MCM8: variants seen among roughly 807,000 people sequenced by gnomAD.
MCM8 encodes DNA helicase MCM8.
A neutral mutation model predicts 98.9 loss-of-function variants in MCM8; 85 were observed. That is an observed-to-expected ratio of 0.86 (90% confidence interval 0.72 to 1.03). The LOEUF (loss-of-function observed/expected upper bound fraction) is 1.03, where lower values mean the gene tolerates loss of function less well. Ranked by LOEUF, MCM8 falls within the 50% of genes least tolerant of loss-of-function variation. The pLI is 0.00. For missense variants in MCM8, 951 were observed against 997.8 expected (o/e 0.95, Z 0.63); for synonymous variants, 352 against 338.6 (o/e 1.04, Z -0.44).
rs1337746943 is a variant in MCM8 at position 5,994,772 on chromosome 20, G to A, written c.*381G>A. ...AAAAAATTTAAACTTAGCTGGGTAT[G>A]GTGGCACATGCCTATAGTCTCAGCT... On this transcript the variant is annotated 3_prime_UTR_variant, in exon 19 of 19. Coordinates refer to ENST00000610722, the MANE Select transcript of MCM8 (RefSeq NM_032485.6). The A allele has an allele frequency of 2.2e-6, 1 of 449,392 alleles. No individual in the cohort carries two copies. Among genetic ancestry groups the A allele is most frequent in the South Asian group, 1.6e-5 (1 of 63,532 alleles). 27.8% of individuals were successfully genotyped at this position (449,392 alleles called of 1,614,324 possible).
chr20:5,952,367 G>A (rs906974423), intron 2 of MCM8, 57 bp from the exon 3 acceptor site: 4 of 1,585,856 alleles, frequency 2.5e-6, no homozygotes, highest in African/African-American at 1.4e-5. Flanking sequence ...GGAAAGAGAA[G>A]CATATTGGAA....
chr20:5,982,593 A>G (rs1388804434), intron 13 of MCM8, among the ~76,000 whole-genome samples: 1 of 152,198 alleles, frequency 6.6e-6, no homozygotes, highest in Non-Finnish European at 1.5e-5. Flanking sequence ...TAAACTTACT[A>G]TATGTGTATT....
At chr20:5,963,477 G>A (rs1868779472) in intron 8 of MCM8, 118 bp downstream of exon 8, 1 of 495,998 alleles carries the variant, frequency 2.0e-6, no homozygotes. Flanking sequence ...GTATAATAGT[G>A]TATAATAGAT....
chr20:5,959,716 T>G (rs1248834500), intron 7 of MCM8, among the ~76,000 whole-genome samples: 4 of 90,038 alleles, frequency 4.4e-5, no homozygotes, highest in East Asian at 3.9e-4. Context: ...TTTTTTTTTT[T>G]GAGACGGAGT....
intron 17 of MCM8, among the ~76,000 whole-genome samples, chr20:5,992,182 T>TA (rs1291433111): frequency 6.6e-6 from 1 of 152,192 alleles, no homozygotes; most frequent in African/African-American, 2.4e-5. Context: ...CATAGCTTTT[T>TA]AAAATCTGAA....
intron 13 of MCM8, among the ~76,000 whole-genome samples, chr20:5,978,743 A>AGACG (rs1228109060): frequency 2.0e-5 from 3 of 152,112 alleles, no homozygotes; most frequent in African/African-American, 4.8e-5. Context: ...TTTTTAGTAG[A>AGACG]GACGGGGTTT....
chr20:5,952,032 G>C lies in MCM8; in HGVS notation c.17G>C (p.Arg6Thr). MNGEY[R>T]GRGFGRGRFQ... ...TTAGGAGAGATGAATGGAGAGTATA[G>C]AGGCAGAGGATTTGGACGAGGAAGA... is the stretch of plus-strand genomic sequence containing the variant. Residue 6 changes from arginine to threonine, a missense_variant, in exon 2 of 19, where the codon AGA becomes ACA. Physicochemically the swap from Arg to Thr is moderately conservative, Grantham distance 71. Coordinates refer to ENST00000610722, the MANE Select transcript of MCM8 (RefSeq NM_032485.6). 6.2e-7 allele frequency: 1 copy of C among 1,613,838 alleles called. No homozygotes were observed. The highest frequency in any genetic ancestry group is 8.5e-7 in the Non-Finnish European group (1 of 1,179,806).
Position 5,951,000 on chromosome 20 carries a change from C to T in MCM8, c.-29C>T, listed in dbSNP as rs2088806988. On this transcript the variant is annotated 5_prime_UTR_variant, in exon 1 of 19. Transcript: ENST00000610722. ...CCGGCCCAGTTGTGAACTAGGAGAG[C>T]TTTGGGACCTCTGTCCCAAGCAAGT... The T allele has an allele frequency of 6.6e-6, 1 of 152,212 alleles. No homozygotes were observed. Among genetic ancestry groups the T allele is most frequent in the African/African-American group, 2.4e-5 (1 of 41,452 alleles). 9.4% of individuals were successfully genotyped at this position (152,212 alleles called of 1,614,324 possible).
chr20:5,981,709 GAAGA>G (rs1308803075), intron 13 of MCM8, among the ~76,000 whole-genome samples: 2 of 152,162 alleles, frequency 1.3e-5, no homozygotes, highest in African/African-American at 4.8e-5. Context: ...AATAACGTAG[GAAGA>G]AAGAAAGACA....
chr20:5,961,726 ACCT>A (rs1036209232), intron 7 of MCM8, among the ~76,000 whole-genome samples: 2 of 152,132 alleles, frequency 1.3e-5, no homozygotes, highest in African/African-American at 4.8e-5. Context: ...TGCAGCCTTG[ACCT>A]CCTTAAATCA....
At chr20:5,981,101 C>A (rs746620486) in intron 13 of MCM8, among the ~76,000 whole-genome samples, 15 of 152,138 alleles carry the variant, frequency 9.9e-5, no homozygotes, top group Non-Finnish European at 1.9e-4. Flanking sequence ...ATATATACTT[C>A]TGCACATTTG....
intron 12 of MCM8, among the ~76,000 whole-genome samples, chr20:5,974,468 C>G (rs763047799): frequency 3.9e-5 from 6 of 152,188 alleles, no homozygotes; most frequent in Non-Finnish European, 8.8e-5. Flanking sequence ...CTTCTTCACT[C>G]GATGTGGAAA....
At chr20:5,970,520 G>A (rs2089379673) in intron 10 of MCM8, among the ~76,000 whole-genome samples, 1 of 152,132 alleles carries the variant, frequency 6.6e-6, no homozygotes, top group Non-Finnish European at 1.5e-5. Flanking sequence ...ACTGCCCCCA[G>A]GAGTATTAAA....
chr20:5,982,829 A>G (rs2089655378), intron 13 of MCM8, 141 bp from the exon 14 acceptor site: 1 of 697,392 alleles, frequency 1.4e-6, no homozygotes, highest in Non-Finnish European at 2.3e-6. Context: ...ACAAACAGTA[A>G]TTCTCCATTG....
rs1212072679 is a variant in MCM8, at chr20:5,950,900, C to G, written c.-129C>G. 3 of 148,138 alleles carry G rather than the reference C, an allele frequency of 2.0e-5. No homozygotes were observed. In the East Asian group the frequency reaches 6.5e-4, roughly 32 times the overall value. The allele number at this position is 148,138 out of a possible 1,614,324, so 9.2% of individuals were successfully genotyped here. A position where few individuals can be genotyped will look rare whatever the true frequency, so the allele number is the denominator to read the frequency against. ...CTGAGGAGCTAAGATCCCGGAGACT[C>G]TTAGCCCCGTGGTGCTTCTCTACGG... On this transcript the variant is annotated 5_prime_UTR_variant, in exon 1 of 19. Coordinates refer to ENST00000610722, the MANE Select transcript of MCM8 (RefSeq NM_032485.6).
rs1466033695 is a variant in MCM8, at chr20:5,954,636, G to A, written c.282G>A (p.Glu94=). 7 of 1,610,322 alleles carry A rather than the reference G, an allele frequency of 4.3e-6. No homozygotes were observed. Among genetic ancestry groups the A allele is most frequent in the Non-Finnish European group, 5.9e-6 (7 of 1,177,080 alleles). The change falls in exon 4 of 19, where the codon GAG becomes GAA. Residue 94 remains glutamate, a synonymous_variant. Transcript: ENST00000610722. ...EVYSDSSPLI[E]KIQAFEKFFT... is the part of the protein sequence containing the mutation. ...ACAGCGATAGCTCTCCTTTGATTGA[G>A]AAGATTCAAGCATTTGAAAAATTTT...
chr20:5,956,847 G>A (rs2088996561), intron 5 of MCM8, among the ~76,000 whole-genome samples: 1 of 151,870 alleles, frequency 6.6e-6, no homozygotes, highest in Admixed American at 6.6e-5. Flanking sequence ...ATGGTTTTGG[G>A]GACTAATGTA....
In MCM8 at chr20:5,967,324, T is replaced by C. The variant is rs1383311847; in HGVS notation, c.876-112T>C. On this transcript the variant is annotated intron_variant, in intron 8 of 18. Transcript: ENST00000610722. The stretch of plus-strand genomic sequence containing the variant: ...TTTAGATATACCATTAAACTGTTAA[T>C]AAGCAAATCTGCTTTTATCTTCCTC... The C allele has an allele frequency of 3.5e-6, 3 of 857,700 alleles. No homozygotes were observed. In the East Asian group the frequency reaches 8.1e-5, roughly 23 times the overall value. The allele number at this position is 857,700 out of a possible 1,614,324, so 53.1% of individuals were successfully genotyped here. A position where few individuals can be genotyped will look rare whatever the true frequency, so the allele number is the denominator to read the frequency against.
chr20:5,954,594 A>T lies in MCM8; in HGVS notation c.254-14A>T. The stretch of plus-strand genomic sequence containing the variant: ...GTGTGATTATTTGTGCTAATGCCAT[A>T]TTTGTTGGATTAGTTTACAGCGATA... On this transcript the variant is annotated splice_polypyrimidine_tract_variant and intron_variant, in intron 3 of 18. Coordinates refer to ENST00000610722, the MANE Select transcript of MCM8 (RefSeq NM_032485.6). The T allele has an allele frequency of 3.9e-6, 6 of 1,545,488 alleles. No homozygotes were observed. The highest frequency in any genetic ancestry group is 5.4e-6 in the Non-Finnish European group (6 of 1,119,132).
Sources: allele counts gnomAD v4.1 joint callset (sites outside exome capture counted in the v4.1 genomes callset), GRCh38; gene constraint gnomAD v4.1.1; transcripts MANE v1.5; gene names NCBI Gene and HGNC (gene_info 2026-07-23, HGNC 2026-07-21).